Variants in PRKCB observed in about 807,000 individuals in gnomAD.
The protein encoded by PRKCB is protein kinase C beta type.
PRKCB carries 13 observed loss-of-function variants against 81.5 expected under a neutral mutation model. The ratio of observed to expected loss-of-function variants is 0.16; its 90% confidence interval spans 0.10 to 0.25. The LOEUF (loss-of-function observed/expected upper bound fraction) is 0.25, where lower values mean the gene tolerates loss of function less well. Among genes scored for constraint, PRKCB ranks in the 10% least tolerant of loss-of-function variants. The probability of loss-of-function intolerance (pLI) is 1.00; values close to 1 mark genes in which losing one functional copy is unlikely to be tolerated. For synonymous variants in PRKCB, 335 were observed against 321.4 expected, an observed-to-expected ratio of 1.04 and a Z score of -0.45; for missense variants, 509 against 875.7, an observed-to-expected ratio of 0.58 and a Z score of 5.29.
chr16:24,005,657 A>G (rs1965106942), intron 3 of PRKCB, among the ~76,000 whole-genome samples: 1 of 152,036 alleles, frequency 6.6e-6, no homozygotes, highest in Non-Finnish European at 1.5e-5. Flanking sequence ...ATAAGTCTTG[A>G]CTTCAATTCA....
intron 3 of PRKCB, among the ~76,000 whole-genome samples, chr16:24,010,291 TC>T (rs112103331): frequency 2.0e-5 from 3 of 152,288 alleles, no homozygotes; most frequent in African/African-American, 7.2e-5. Context: ...GTCTAAGTTT[TC>T]CCATTTTTTT....
intron 10 of PRKCB, among the ~76,000 whole-genome samples, chr16:24,166,708 C>A (rs1967352721): frequency 6.6e-6 from 1 of 152,158 alleles, no homozygotes. Flanking sequence ...ACAGAAACAT[C>A]TCTGGCAATA....
intron 2 of PRKCB, among the ~76,000 whole-genome samples, chr16:23,907,191 C>A (rs1298184898): frequency 2.6e-5 from 4 of 152,314 alleles, no homozygotes; most frequent in Non-Finnish European, 5.9e-5. Context: ...TTGTAACAAT[C>A]AAAAATGTCT....
intron 3 of PRKCB, among the ~76,000 whole-genome samples, chr16:24,026,571 C>T (rs576313458): frequency 1.3e-5 from 2 of 152,330 alleles, no homozygotes; most frequent in African/African-American, 4.8e-5. Context: ...TTGAGGAACT[C>T]CTTTCTTCTC....
chr16:24,124,018 G>A (rs771911978), intron 9 of PRKCB, 37 bp downstream of exon 9: 118 of 1,611,924 alleles, frequency 7.3e-5, no homozygotes, highest in Non-Finnish European at 9.7e-5. Context: ...TGCTTTGGAA[G>A]GAACATCTAA....
At chr16:24,158,118 G>A (rs1057461014) in intron 10 of PRKCB, among the ~76,000 whole-genome samples, 7 of 152,138 alleles carry the variant, frequency 4.6e-5, no homozygotes, top group African/African-American at 7.2e-5. Context: ...TTGGAGAGAC[G>A]CACTCACTGC....
chr16:23,841,305 C>T (rs1310834469), intron 2 of PRKCB, among the ~76,000 whole-genome samples: 3 of 152,186 alleles, frequency 2.0e-5, no homozygotes, highest in Admixed American at 6.5e-5. Flanking sequence ...GTCTTGAACT[C>T]CTGACCTCAG....
rs115750906 is a variant in PRKCB at position 23,988,566 on chromosome 16, C to T, written c.264C>T (p.Gly88=). The change falls in exon 3 of 17, where the codon GGC becomes GGT. Residue 88 remains glycine, a synonymous_variant. Coordinates refer to ENST00000643927, the MANE Select transcript of PRKCB (RefSeq NM_002738.7). ...AATTTGTCACATTCTCCTGCCCTGG[C>T]GCTGACAAGGGTCCAGCCTCCGATG... The part of the protein sequence containing the change: ...CHEFVTFSCP[G]ADKGPASDDP... The T allele has an allele frequency of 1.3e-4, 207 of 1,613,914 alleles. No individual in the cohort carries two copies. The highest frequency in any genetic ancestry group is 4.2e-4 in the Admixed American group (25 of 59,992).
At chr16:24,085,578 G>C (rs1214677180) in intron 5 of PRKCB, among the ~76,000 whole-genome samples, 2 of 152,118 alleles carry the variant, frequency 1.3e-5, no homozygotes, top group Non-Finnish European at 2.9e-5. Context: ...TCTAAATTGA[G>C]GTTGCTCTGG....
rs181766258 is a variant in PRKCB at position 24,119,549 on chromosome 16, G to A, written c.919-4286G>A. Among the ~76,000 whole-genome samples, 134 of 152,158 alleles carry A rather than the reference G, an allele frequency of 8.8e-4. 1 individual carries two copies. Among genetic ancestry groups the A allele is most frequent in the Middle Eastern group, 3.4e-3 (1 of 294 alleles). ...AGAATGGAGACTGTGAATCAGATGG[G>A]TCCTGAGCCAGGATTCAAAGAAGGC... On this transcript the variant is annotated intron_variant, in intron 8 of 16. Coordinates refer to ENST00000643927, the MANE Select transcript of PRKCB (RefSeq NM_002738.7).
chr16:24,136,096 G>GTTT (rs1555498950), intron 9 of PRKCB, among the ~76,000 whole-genome samples: 1 of 118,074 alleles, frequency 8.5e-6, no homozygotes, highest in Admixed American at 8.4e-5. Context: ...ATTGCAGCGT[G>GTTT]TTTTTTTTTT....
chr16:24,166,992 G>C (rs921324867), intron 10 of PRKCB, among the ~76,000 whole-genome samples: 1 of 152,026 alleles, frequency 6.6e-6, no homozygotes, highest in Non-Finnish European at 1.5e-5. Context: ...CTTCCAAGCA[G>C]AAAGCAAGCA....
chr16:24,029,360 G>A (rs1192030747), intron 3 of PRKCB, among the ~76,000 whole-genome samples: 1 of 152,146 alleles, frequency 6.6e-6, no homozygotes, highest in Non-Finnish European at 1.5e-5. Context: ...TCATGATAGC[G>A]AGTGAGTTCT....
intron 8 of PRKCB, among the ~76,000 whole-genome samples, chr16:24,118,953 AAAC>A (rs989646058): frequency 1.3e-5 from 2 of 152,096 alleles, no homozygotes; most frequent in African/African-American, 2.4e-5. Context: ...GGAGCCAGGC[AAAC>A]AACAAGAAGG....
At chr16:24,083,374 C>G (rs548227496) in intron 5 of PRKCB, among the ~76,000 whole-genome samples, 10 of 152,290 alleles carry the variant, frequency 6.6e-5, no homozygotes, top group Non-Finnish European at 4.4e-5. Flanking sequence ...TATGCTCACA[C>G]AAGAACCCGT....
intron 2 of PRKCB, among the ~76,000 whole-genome samples, chr16:23,944,690 GA>G (rs1213132793): frequency 6.6e-6 from 1 of 152,142 alleles, no homozygotes; most frequent in Non-Finnish European, 1.5e-5. Context: ...TGGGTGGCTG[GA>G]AAAACCTCAC....
intron 5 of PRKCB, among the ~76,000 whole-genome samples, chr16:24,083,738 T>C (rs1966278211): frequency 6.6e-6 from 1 of 152,230 alleles, no homozygotes; most frequent in Non-Finnish European, 1.5e-5. Context: ...GATAGAACTC[T>C]TCTGTATTCT....
In PRKCB at chr16:24,125,132, T is replaced by C. The variant is rs112762526; in HGVS notation, c.1065+1151T>C. Among the ~76,000 whole-genome samples, 19 of 30,356 alleles carry C rather than the reference T, an allele frequency of 6.3e-4. No homozygotes were observed. In the African/African-American group the frequency reaches 7.2e-3, roughly 11 times the overall value. 19.9% of individuals were successfully genotyped at this position (30,356 alleles called of 152,430 possible). On this transcript the variant is annotated intron_variant, in intron 9 of 16. Transcript: ENST00000643927. ...GTTACCTATAATTAATCGTTACCTATAATTAATTGCAATCCCAATCTTGTT... is the reference window on the plus strand; with the variant it reads ...GTTACCTATAATTAATCGTTACCTACAATTAATTGCAATCCCAATCTTGTT...
intron 2 of PRKCB, among the ~76,000 whole-genome samples, chr16:23,950,465 G>A (rs764588107): frequency 4.3e-4 from 65 of 152,190 alleles, no homozygotes; most frequent in Non-Finnish European, 2.2e-4. Context: ...GTAAGAGCAC[G>A]GGGTTCTGGA....
Sources: gnomAD v4.1 joint callset for allele counts (sites outside exome capture counted in the v4.1 genomes callset) on GRCh38, gnomAD v4.1.1 for gene constraint, MANE v1.5 for transcripts, NCBI Gene and HGNC (gene_info 2026-07-23, HGNC 2026-07-21) for gene names.